Variants in PLXNC1 observed in about 807,000 individuals in gnomAD.
PLXNC1 encodes plexin-C1.
PLXNC1 carries 75 observed loss-of-function variants against 178.2 expected under a neutral mutation model. That is an observed-to-expected ratio of 0.42 (90% CI 0.35 to 0.51). The LOEUF is 0.51. Among genes scored for constraint, PLXNC1 ranks in the 20% least tolerant of loss-of-function variants. The pLI, the probability that PLXNC1 is intolerant of heterozygous loss-of-function variation, is 0.02. For missense variants in PLXNC1, 1,503 were observed against 1,984.4 expected, an observed-to-expected ratio of 0.76 and a Z score of 4.61; for synonymous variants, 790 against 779.9, an observed-to-expected ratio of 1.01 and a Z score of -0.22.
At chr12:94,264,912 T>C (rs1457372497) in intron 20 of PLXNC1, among the ~76,000 whole-genome samples, 167 bp from the exon 21 acceptor site, 3 of 152,216 alleles carry the variant, frequency 2.0e-5, no homozygotes, top group Non-Finnish European at 4.4e-5. Context: ...TTTTCTGAGT[T>C]TTGCATCCAA....
At chr12:94,210,067 G>A (rs1246902922) in intron 5 of PLXNC1, among the ~76,000 whole-genome samples, 1 of 150,524 alleles carries the variant, frequency 6.6e-6, no homozygotes, top group Non-Finnish European at 1.5e-5. Context: ...CATGGTCAAC[G>A]AGATACCTTA....
chr12:94,278,997 CA>C (rs10691027), intron 21 of PLXNC1, among the ~76,000 whole-genome samples: 2 of 149,288 alleles, frequency 1.3e-5, no homozygotes, highest in Non-Finnish European at 3.0e-5. Flanking sequence ...GACTCCATCT[CA>C]AAAAAAAAAG....
In PLXNC1 at chr12:94,307,391, G is replaced by A. The variant is rs1969156016; in HGVS notation, c.*2106G>A. 6.6e-6 allele frequency: 1 copy of A among 152,180 alleles called. No homozygotes were observed. The highest frequency in any genetic ancestry group is 6.5e-5 in the Admixed American group (1 of 15,270). The allele number at this position is 152,180 out of a possible 1,614,324, so 9.4% of individuals were successfully genotyped here. Reference sequence around the variant, plus strand: ...CAGTAAATGGCCAAATTAGATGTGTGCTGAAGACAATCAGTCACTGGGTCT... The same window carrying A: ...CAGTAAATGGCCAAATTAGATGTGTACTGAAGACAATCAGTCACTGGGTCT... On this transcript the variant is annotated 3_prime_UTR_variant, in exon 31 of 31. Coordinates refer to ENST00000258526, the MANE Select transcript of PLXNC1 (RefSeq NM_005761.3).
At chr12:94,270,584 A>ACCCACC in intron 21 of PLXNC1, among the ~76,000 whole-genome samples, 1 of 151,570 alleles carries the variant, frequency 6.6e-6, no homozygotes, top group Non-Finnish European at 1.5e-5. Context: ...AACACACAAC[A>ACCCACC]CCCACCCCCA....
At chr12:94,254,468 A>G (rs1464648421) in intron 15 of PLXNC1, 2 of 503,930 alleles carry the variant, frequency 4.0e-6, no homozygotes, top group Non-Finnish European at 7.7e-6. Context: ...GGCTTGTTTC[A>G]TTACGTTTCA....
At chr12:94,289,776 A>C (rs1967091095) in intron 23 of PLXNC1, among the ~76,000 whole-genome samples, 2 of 152,242 alleles carry the variant, frequency 1.3e-5, no homozygotes. Flanking sequence ...TAATCGTGTT[A>C]AAGTGTCACA....
At chr12:94,169,584 T>C (rs1238816119) in intron 2 of PLXNC1, among the ~76,000 whole-genome samples, 1 of 152,232 alleles carries the variant, frequency 6.6e-6, no homozygotes, top group East Asian at 1.9e-4. Flanking sequence ...GTCTGGTCCC[T>C]ACCCCAACCC....
At position 94,233,174 on chromosome 12, in the gene PLXNC1, C is replaced by T. The variant is rs190252524; in HGVS notation, c.1981-4490C>T. Among the ~76,000 whole-genome samples the T allele has an allele frequency of 1.5e-3, 234 of 152,150 alleles. 1 individual carries two copies. Among genetic ancestry groups the T allele is most frequent in the African/African-American group, 5.5e-3 (228 of 41,488 alleles). On this transcript the variant is annotated intron_variant, in intron 9 of 30. Coordinates refer to ENST00000258526, the MANE Select transcript of PLXNC1 (RefSeq NM_005761.3). ...GAAAGGGGTGGGGCAGGGTGTGGTC[C>T]GAGGGAAGGAGTCAGACCCAGACAC...
chr12:94,257,718 A>G (rs1964887106), intron 17 of PLXNC1, among the ~76,000 whole-genome samples: 1 of 152,040 alleles, frequency 6.6e-6, no homozygotes, highest in African/African-American at 2.4e-5. Flanking sequence ...CATCCTGGCT[A>G]ACACAGTGAA....
chr12:94,265,156 C>T lies in PLXNC1; in HGVS notation c.3528C>T (p.Ile1176=). The T allele has an allele frequency of 6.2e-7, 1 of 1,614,104 alleles. No homozygotes were observed. ...TTAACAAGGGTCCCGTGGATGTAATCACTTGCAAAGCCCTGTACACACTTA... is the reference window on the plus strand; with the variant it reads ...TTAACAAGGGTCCCGTGGATGTAATTACTTGCAAAGCCCTGTACACACTTA... The part of the protein sequence containing the change: ...QKINKGPVDV[I]TCKALYTLNE... The change falls in exon 21 of 31, where the codon ATC becomes ATT. Residue 1176 remains isoleucine, a synonymous_variant. Coordinates refer to ENST00000258526, the MANE Select transcript of PLXNC1 (RefSeq NM_005761.3).
At chr12:94,219,728 A>G (rs1963736864) in intron 5 of PLXNC1, among the ~76,000 whole-genome samples, 1 of 152,162 alleles carries the variant, frequency 6.6e-6, no homozygotes, top group Non-Finnish European at 1.5e-5. Context: ...AAGCAGAAAA[A>G]TGGTCAAAGA....
At chr12:94,188,323 CTT>C (rs141025919) in intron 4 of PLXNC1, among the ~76,000 whole-genome samples, 15 of 127,776 alleles carry the variant, frequency 1.2e-4, no homozygotes, top group African/African-American at 2.3e-4. Flanking sequence ...TCTTTTTGTC[CTT>C]TTTTTTTTTT....
intron 1 of PLXNC1, among the ~76,000 whole-genome samples, chr12:94,160,174 A>T (rs1961326177): frequency 6.6e-6 from 1 of 152,082 alleles, no homozygotes; most frequent in African/African-American, 2.4e-5. Flanking sequence ...CTATATGTGC[A>T]CTGAGGGGAG....
intron 9 of PLXNC1, among the ~76,000 whole-genome samples, chr12:94,235,082 C>T (rs1163485570): frequency 1.3e-5 from 2 of 152,048 alleles, no homozygotes; most frequent in Non-Finnish European, 2.9e-5. Flanking sequence ...GAGGTTCCAC[C>T]AGCAAACAAA....
intron 4 of PLXNC1, among the ~76,000 whole-genome samples, chr12:94,189,563 C>G (rs1962644939): frequency 6.6e-6 from 1 of 152,016 alleles, no homozygotes; most frequent in Admixed American, 6.6e-5. Context: ...GCTTCTGGTC[C>G]CAGCTACTCG....
chr12:94,188,288 C>T (rs1010770799), intron 4 of PLXNC1, among the ~76,000 whole-genome samples: 3 of 148,322 alleles, frequency 2.0e-5, no homozygotes, highest in Admixed American at 6.8e-5. Flanking sequence ...ACACTGAAAG[C>T]GAAAGTAGAG....
chr12:94,167,836 G>T (rs1387091168), intron 1 of PLXNC1, among the ~76,000 whole-genome samples: 4 of 152,086 alleles, frequency 2.6e-5, no homozygotes, highest in Non-Finnish European at 5.9e-5. Context: ...CTTCTCTTAG[G>T]TTATGACATC....
intron 2 of PLXNC1, among the ~76,000 whole-genome samples, chr12:94,179,052 AG>A (rs1962204982): frequency 6.6e-6 from 1 of 152,224 alleles, no homozygotes. Flanking sequence ...AGATGATGGA[AG>A]GAAGTCACTG....
At chr12:94,237,590 G>A (rs140987879) in intron 9 of PLXNC1, 74 bp from the exon 10 acceptor site, 45 of 1,334,144 alleles carry the variant, frequency 3.4e-5, no homozygotes, top group South Asian at 3.0e-4. Flanking sequence ...GAACTGCAGC[G>A]TATAAACAGA....
Sources: allele counts gnomAD v4.1 joint callset (sites outside exome capture counted in the v4.1 genomes callset), GRCh38; gene constraint gnomAD v4.1.1; transcripts MANE v1.5; gene names NCBI Gene and HGNC (gene_info 2026-07-23, HGNC 2026-07-21).